ACOT12: variants seen among roughly 807,000 people sequenced by gnomAD.
ACOT12 encodes the protein acetyl-coenzyme A thioesterase.
Under a neutral mutation model 67.7 loss-of-function variants are expected in ACOT12, and 51 were observed. The observed-to-expected ratio is 0.75, with a 90% CI of 0.60 to 0.95. The LOEUF is 0.95. ACOT12 is among the 40% of genes least tolerant of loss of function. The pLI is 0.00. For missense variants in ACOT12, 734 were observed against 708.1 expected (o/e 1.04, Z -0.41); for synonymous variants, 251 against 244.6 (o/e 1.03, Z -0.24).
chr5:81,367,336 T>C (rs998688121), intron 3 of ACOT12, among the ~76,000 whole-genome samples: 1 of 152,176 alleles, frequency 6.6e-6, no homozygotes, highest in African/African-American at 2.4e-5. Flanking sequence ...GATGATTGAC[T>C]GTTTAAAACA....
Position 81,342,058 on chromosome 5 carries a change from A to G in ACOT12, c.1128+614T>C, listed in dbSNP as rs1458795726. 2.6e-5 allele frequency among the ~76,000 whole-genome samples: 4 copies of G among 152,306 alleles called. No homozygotes were observed. In the East Asian group the frequency reaches 5.8e-4, roughly 22 times the overall value. ...CAGACTGGAATGCAATGATGCAATC[A>G]TAGCTCACTGGAGGCTGAAATGCCT... On this transcript the variant is annotated intron_variant, in intron 11 of 14. Coordinates refer to ENST00000307624, the MANE Select transcript of ACOT12 (RefSeq NM_130767.3).
intron 5 of ACOT12, among the ~76,000 whole-genome samples, chr5:81,354,789 C>T (rs1561334514): frequency 1.3e-5 from 2 of 151,830 alleles, no homozygotes; most frequent in Admixed American, 6.6e-5. Flanking sequence ...CTGTAAACTC[C>T]GCCTCTTGGG....
At chr5:81,362,177 T>C (rs903712028) in intron 4 of ACOT12, among the ~76,000 whole-genome samples, 27 of 151,474 alleles carry the variant, frequency 1.8e-4, no homozygotes, top group African/African-American at 6.3e-4. Context: ...TTTTTTTTTT[T>C]TTTTTGAGAC....
the ACOT12 span, among the ~76,000 whole-genome samples, chr5:81,312,125 C>T: frequency 6.6e-6 from 1 of 152,186 alleles, no homozygotes; most frequent in South Asian, 2.1e-4. Flanking sequence ...ATTCTCCCTC[C>T]TGGGAGGATT....
chr5:81,386,995 ATTTTTT>A (rs869281800), intron 1 of ACOT12, among the ~76,000 whole-genome samples: 1 of 81,334 alleles, frequency 1.2e-5, no homozygotes, highest in African/African-American at 4.3e-5. Context: ...GATGAGTTCC[ATTTTTT>A]TTTTTTTTTT....
the ACOT12 span, among the ~76,000 whole-genome samples, chr5:81,317,601 G>C: frequency 3.9e-4 from 59 of 152,176 alleles, no homozygotes; most frequent in Non-Finnish European, 7.8e-4. Flanking sequence ...CATGGCAGAA[G>C]TTGAATGGGA....
At chr5:81,331,318 A>C (rs1488973478) in intron 13 of ACOT12, among the ~76,000 whole-genome samples, 1 of 152,104 alleles carries the variant, frequency 6.6e-6, no homozygotes, top group Admixed American at 6.6e-5. Context: ...CAGGCAGATC[A>C]CCTGAGGTCA....
chr5:81,327,517 T>C (rs1758703680), downstream of ACOT12, among the ~76,000 whole-genome samples: 2 of 152,218 alleles, frequency 1.3e-5, no homozygotes. Flanking sequence ...CTCTGCAAAC[T>C]GCAACCTTCG....
chr5:81,342,295 A>C (rs775996939), intron 11 of ACOT12, among the ~76,000 whole-genome samples: 22 of 152,154 alleles, frequency 1.4e-4, no homozygotes, highest in Non-Finnish European at 2.9e-4. Flanking sequence ...TCGACCAAAA[A>C]AATTAATTTT....
chr5:81,323,872 ATG>A, the ACOT12 span, among the ~76,000 whole-genome samples: 11 of 144,252 alleles, frequency 7.6e-5, no homozygotes, highest in Admixed American at 2.9e-4. Context: ...ATATGTATAT[ATG>A]TGTATATATG....
intron 4 of ACOT12, 36 bp from the exon 5 acceptor site, chr5:81,360,074 G>A: frequency 6.3e-7 from 1 of 1,576,156 alleles, no homozygotes; most frequent in Non-Finnish European, 8.6e-7. Flanking sequence ...TTATTGCCTT[G>A]TTAAATTATA....
intron 2 of ACOT12, among the ~76,000 whole-genome samples, chr5:81,381,947 G>A (rs935033716): frequency 6.6e-6 from 1 of 152,154 alleles, no homozygotes; most frequent in Non-Finnish European, 1.5e-5. Context: ...GAAAGAAACT[G>A]CATAAATAAT....
chr5:81,374,730 G>C (rs565873809), intron 2 of ACOT12, among the ~76,000 whole-genome samples: 1 of 152,250 alleles, frequency 6.6e-6, no homozygotes, highest in East Asian at 1.9e-4. Flanking sequence ...TCAGGCAGAA[G>C]AAAGGATATC....
chr5:81,377,692 A>G (rs1227800955), intron 2 of ACOT12, among the ~76,000 whole-genome samples: 2 of 152,220 alleles, frequency 1.3e-5, no homozygotes, highest in Non-Finnish European at 2.9e-5. Context: ...CTTATACACC[A>G]ATAACAGACA....
chr5:81,309,233 T>A, the ACOT12 span: 1 of 450,514 alleles, frequency 2.2e-6, no homozygotes, highest in African/African-American at 2.0e-5. Context: ...ATAAAACAAA[T>A]CAGAAAAAAC....
In ACOT12 at chr5:81,371,754, A is replaced by T. The variant is rs1266140313; in HGVS notation, c.254T>A (p.Met85Lys). The change falls in exon 3 of 15, where the codon ATG becomes AAG. Residue 85 changes from methionine to lysine, a missense_variant. Coordinates refer to ENST00000307624, the MANE Select transcript of ACOT12 (RefSeq NM_130767.3). ...GTTTGAAAAGGTGCCTCTTACCTCCATGCTTGTGCTGAATGCTCTAGTAAC... is the reference window on the plus strand; with the variant it reads ...GTTTGAAAAGGTGCCTCTTACCTCCTTGCTTGTGCTGAATGCTCTAGTAAC... ...AKVTRAFSTS[M>K]EISIKVMVQD... is the part of the protein sequence containing the mutation. 2 of 1,614,102 alleles carry T rather than the reference A, an allele frequency of 1.2e-6. No homozygotes were observed. Among genetic ancestry groups the T allele is most frequent in the Non-Finnish European group, 1.7e-6 (2 of 1,179,966 alleles).
At chr5:81,361,762 T>G (rs1759916312) in intron 4 of ACOT12, among the ~76,000 whole-genome samples, 1 of 152,236 alleles carries the variant, frequency 6.6e-6, no homozygotes, top group South Asian at 2.1e-4. Context: ...AGGCTTTGCA[T>G]GAGTGTACCC....
At chr5:81,342,600 G>T in intron 11 of ACOT12, 72 bp downstream of exon 11, 1 of 1,483,648 alleles carries the variant, frequency 6.7e-7, no homozygotes, top group Non-Finnish European at 9.4e-7. Context: ...AGTAGAAGCA[G>T]TAGAACCACC....
At chr5:81,391,634 AT>A (rs1352837610) in intron 1 of ACOT12, among the ~76,000 whole-genome samples, 5 of 152,244 alleles carry the variant, frequency 3.3e-5, no homozygotes, top group African/African-American at 1.2e-4. Flanking sequence ...GATCAATCAG[AT>A]TAGCATCTTC....
Sources: allele counts gnomAD v4.1 joint callset (sites outside exome capture counted in the v4.1 genomes callset), GRCh38; gene constraint gnomAD v4.1.1; transcripts MANE v1.5; gene names NCBI Gene and HGNC (gene_info 2026-07-23, HGNC 2026-07-21).